Variants in CMIP observed in about 807,000 individuals in gnomAD.
CMIP encodes C-Maf-inducing protein.
A neutral mutation model predicts 97.3 loss-of-function variants in CMIP; 13 were observed. The ratio of observed to expected loss-of-function variants is 0.13; its 90% CI spans 0.09 to 0.21. The LOEUF (loss-of-function observed/expected upper bound fraction) is 0.21. Among genes scored for constraint, CMIP ranks in the 10% least tolerant of loss-of-function variants. CMIP has a pLI of 1.00. For missense variants in CMIP, 847 were observed against 1,024.9 expected (o/e 0.83, Z 2.37); for synonymous variants, 538 against 436.3 (o/e 1.23, Z -2.91).
intron 1 of CMIP, among the ~76,000 whole-genome samples, chr16:81,461,055 C>G (rs1228492552): frequency 6.6e-6 from 1 of 152,214 alleles, no homozygotes; most frequent in African/African-American, 2.4e-5. Flanking sequence ...TGCGAGGTTA[C>G]CACGCTTCCT....
intron 13 of CMIP, among the ~76,000 whole-genome samples, chr16:81,694,759 G>T (rs1567668348): frequency 6.6e-6 from 1 of 152,154 alleles, no homozygotes; most frequent in Non-Finnish European, 1.5e-5. Flanking sequence ...TGAGGGGCTG[G>T]TCTCCAGGCC....
At chr16:81,567,539 G>T (rs922699610) in intron 1 of CMIP, among the ~76,000 whole-genome samples, 23 of 152,322 alleles carry the variant, frequency 1.5e-4, no homozygotes, top group African/African-American at 3.6e-4. Flanking sequence ...CCACGTCTCT[G>T]GGCCTCAGTT....
In CMIP at chr16:81,501,311, A is replaced by G. The variant is rs571614602; in HGVS notation, c.300+55770A>G. ...CGCACGGGCAGCAAATGCCCGTCCT[A>G]TTTTGGGACTGGTGCCTCCTGCTTT... On this transcript the variant is annotated intron_variant, in intron 1 of 20. Coordinates refer to ENST00000537098, the MANE Select transcript of CMIP (RefSeq NM_198390.3). 2.4e-4 allele frequency among the ~76,000 whole-genome samples: 36 copies of G among 152,326 alleles called. 1 individual carries two copies. The South Asian group carries it at 5.8e-3, about 25-fold the overall frequency.
intron 1 of CMIP, among the ~76,000 whole-genome samples, chr16:81,580,324 G>A (rs1256732172): frequency 7.2e-5 from 11 of 152,148 alleles, no homozygotes. Context: ...GCTACACGCT[G>A]GGCACTAAGC....
rs74264889 is a variant in CMIP at position 81,589,483 on chromosome 16, GT to G, written c.301-18068del. 9.6e-3 allele frequency among the ~76,000 whole-genome samples: 1,354 copies of G among 141,358 alleles called. 10 individuals are homozygous for G. The highest frequency in any genetic ancestry group is 0.025 in the South Asian group (111 of 4,442). 92.7% of individuals were successfully genotyped at this position (141,358 alleles called of 152,430 possible). ...AGTAGAAACATATATGCAGACTTGT[GT>G]TTTTTTTTTTTTTTTCCACCCTATG... On this transcript the variant is annotated intron_variant, in intron 1 of 20. Transcript: ENST00000537098.
intron 1 of CMIP, among the ~76,000 whole-genome samples, chr16:81,600,527 C>G (rs748284697): frequency 3.9e-5 from 6 of 152,144 alleles, no homozygotes; most frequent in Non-Finnish European, 5.9e-5. Flanking sequence ...TGTGACATGT[C>G]CAGAACAGGC....
chr16:81,596,674 C>G (rs1413857114), intron 1 of CMIP, among the ~76,000 whole-genome samples: 1 of 152,130 alleles, frequency 6.6e-6, no homozygotes, highest in East Asian at 1.9e-4. Context: ...TCCTATTTGC[C>G]TTTTTCCAGC....
intron 1 of CMIP, among the ~76,000 whole-genome samples, chr16:81,489,715 C>T (rs1031125265): frequency 5.9e-5 from 9 of 152,178 alleles, no homozygotes; most frequent in African/African-American, 1.9e-4. Context: ...TGCCCAGGCT[C>T]GTTCAGGGAG....
chr16:81,568,091 C>T (rs558648730), intron 1 of CMIP, among the ~76,000 whole-genome samples: 2 of 138,974 alleles, frequency 1.4e-5, no homozygotes, highest in African/African-American at 2.7e-5. Flanking sequence ...AGAAAAGAGG[C>T]CCATTTTGCA....
At chr16:81,452,599 C>T (rs1458866802) in intron 1 of CMIP, among the ~76,000 whole-genome samples, 1 of 152,100 alleles carries the variant, frequency 6.6e-6, no homozygotes, top group Non-Finnish European at 1.5e-5. Context: ...GGTGATAGGA[C>T]TTCCAGGGGG....
At chr16:81,613,832 G>A (rs2091870236) in intron 2 of CMIP, among the ~76,000 whole-genome samples, 1 of 152,138 alleles carries the variant, frequency 6.6e-6, no homozygotes. Context: ...CTGTCCATCT[G>A]TCTTATCTGT....
chr16:81,672,400 A>G (rs1438020670), intron 9 of CMIP, among the ~76,000 whole-genome samples: 2 of 152,186 alleles, frequency 1.3e-5, no homozygotes, highest in African/African-American at 4.8e-5. Flanking sequence ...ATGTGTGCAC[A>G]TGGGTATGCA....
chr16:81,661,415 A>T (rs1597210978), intron 6 of CMIP, among the ~76,000 whole-genome samples: 1 of 152,264 alleles, frequency 6.6e-6, no homozygotes, highest in East Asian at 1.9e-4. Flanking sequence ...AGTGGGATTC[A>T]CATAGGACAT....
chr16:81,652,448 G>A lies in CMIP; in HGVS notation c.639+84G>A, dbSNP rs1185983469. ...GCTCCATGCCAAGCAGCAGGCGCAG[G>A]CAGAGCTCCGTGTGGGCTGTGTTGT... On this transcript the variant is annotated intron_variant, in intron 4 of 20. Coordinates refer to ENST00000537098, the MANE Select transcript of CMIP (RefSeq NM_198390.3). This position sits in a 1 kb window ranked among gnomAD's most constrained non-coding sequence, Gnocchi z 5.2. The A allele has an allele frequency of 1.6e-6, 2 of 1,234,952 alleles. No homozygotes were observed. The highest frequency in any genetic ancestry group is 3.0e-5 in the African/African-American group (2 of 66,420). 76.5% of individuals were successfully genotyped at this position (1,234,952 alleles called of 1,614,324 possible).
chr16:81,674,502 C>G (rs2151048461), intron 9 of CMIP, among the ~76,000 whole-genome samples: 1 of 152,322 alleles, frequency 6.6e-6, no homozygotes, highest in South Asian at 2.1e-4. Context: ...ACATCCCTTC[C>G]CAGTTCTGTA....
chr16:81,670,795 G>A (rs1567650363), intron 8 of CMIP, among the ~76,000 whole-genome samples: 2 of 152,042 alleles, frequency 1.3e-5, no homozygotes, highest in African/African-American at 2.4e-5. Context: ...GTGTCAGGCC[G>A]AGGTGTCATC....
chr16:81,447,287 G>A (rs1210203054), intron 1 of CMIP, among the ~76,000 whole-genome samples: 1 of 151,566 alleles, frequency 6.6e-6, no homozygotes, highest in Non-Finnish European at 1.5e-5. Flanking sequence ...GTTGTTGGTG[G>A]TGGGGTAGGA....
At position 81,621,110 on chromosome 16, in the gene CMIP, C is replaced by T; in HGVS notation, c.477+184C>T. ...CGTCCTCTGCTGTTCAATTCCTGTC[C>T]CCTGCAGTGCTGAAATAGCATTCTC... is the stretch of plus-strand genomic sequence containing the variant. On this transcript the variant is annotated intron_variant, in intron 3 of 20. Transcript: ENST00000537098. This position sits in a 1 kb window ranked among gnomAD's most constrained non-coding sequence, Gnocchi z 4.1. The T allele has an allele frequency of 1.7e-6, 1 of 602,978 alleles. No individual in the cohort carries two copies. The allele number at this position is 602,978 out of a possible 1,614,324, so 37.4% of individuals were successfully genotyped here. A position where few individuals can be genotyped will look rare whatever the true frequency, so the allele number is the denominator to read the frequency against.
chr16:81,446,747 C>T (rs76957730), intron 1 of CMIP, among the ~76,000 whole-genome samples: 7,767 of 152,234 alleles, frequency 0.051, 290 homozygotes, highest in East Asian at 0.14. Flanking sequence ...TCCCTGGCAT[C>T]CATGTTCCCT....
Sources: allele counts gnomAD v4.1 joint callset (sites outside exome capture counted in the v4.1 genomes callset), GRCh38; gene constraint gnomAD v4.1.1; non-coding constraint Gnocchi (gnomAD v3.1); transcripts MANE v1.5; gene names NCBI Gene and HGNC (gene_info 2026-07-23, HGNC 2026-07-21).